ELL: variants seen among roughly 807,000 people sequenced by gnomAD.
The protein encoded by ELL is elongation factor for RNA polymerase II, also known as RNA polymerase II elongation factor ELL.
Under a neutral mutation model 64.0 loss-of-function variants are expected in ELL, and 18 were observed. The ratio of observed to expected loss-of-function variants is 0.28; its 90% CI spans 0.19 to 0.42. The LOEUF (loss-of-function observed/expected upper bound fraction) is 0.42, where lower values mean the gene tolerates loss of function less well. Among genes scored for constraint, ELL ranks in the 10% least tolerant of loss-of-function variants. The pLI, the probability that ELL is intolerant of heterozygous loss-of-function variation, is 1.00. For synonymous variants in ELL, 399 were observed against 376.2 expected (o/e 1.06, Z -0.70); for missense variants, 797 against 870.4 (o/e 0.92, Z 1.06).
chr19:18,510,581 C>G (rs1032647875), intron 1 of ELL, among the ~76,000 whole-genome samples: 2 of 152,170 alleles, frequency 1.3e-5, no homozygotes, highest in African/African-American at 4.8e-5. Context: ...CCAGGTGACT[C>G]CTGGGTCCAT....
chr19:18,510,446 T>C (rs554707915), intron 1 of ELL, among the ~76,000 whole-genome samples: 1 of 152,326 alleles, frequency 6.6e-6, no homozygotes, highest in Admixed American at 6.5e-5. Flanking sequence ...GCAGGGCACG[T>C]AGCCACTGTC....
chr19:18,505,227 T>C (rs1164915296), intron 1 of ELL, among the ~76,000 whole-genome samples: 1 of 152,200 alleles, frequency 6.6e-6, no homozygotes, highest in Non-Finnish European at 1.5e-5. Context: ...TGTGGTGTGC[T>C]TTCTTCTGCA....
chr19:18,497,965 C>G (rs908782958), intron 1 of ELL, among the ~76,000 whole-genome samples: 1 of 151,476 alleles, frequency 6.6e-6, no homozygotes, highest in Admixed American at 6.6e-5. Context: ...CCTGTCTCTA[C>G]TAAAAATACA....
At chr19:18,470,213 CAT>C (rs767732835) in intron 2 of ELL, among the ~76,000 whole-genome samples, 40 of 152,356 alleles carry the variant, frequency 2.6e-4, no homozygotes, top group East Asian at 3.9e-4. Flanking sequence ...CCCTGCTACA[CAT>C]GTTATTAGGC....
chr19:18,465,172 G>A (rs561123169), intron 4 of ELL, among the ~76,000 whole-genome samples: 1 of 152,328 alleles, frequency 6.6e-6, no homozygotes, highest in East Asian at 1.9e-4. Context: ...GGCTTCACAA[G>A]CCAGCAGCTG....
chr19:18,464,381 C>CA (rs1355364734), intron 4 of ELL, among the ~76,000 whole-genome samples: 2 of 152,132 alleles, frequency 1.3e-5, no homozygotes, highest in Non-Finnish European at 2.9e-5. Flanking sequence ...AAAGAAAAAA[C>CA]AAAAAACAAA....
intron 1 of ELL, among the ~76,000 whole-genome samples, chr19:18,499,558 G>A (rs1975736795): frequency 6.6e-6 from 1 of 152,202 alleles, no homozygotes; most frequent in Non-Finnish European, 1.5e-5. Flanking sequence ...AGACTTCCCA[G>A]GGTTGGGGAG....
chr19:18,504,229 G>A (rs530212048), intron 1 of ELL, among the ~76,000 whole-genome samples: 3 of 152,212 alleles, frequency 2.0e-5, no homozygotes, highest in Non-Finnish European at 4.4e-5. Flanking sequence ...GAGGAGGGGA[G>A]GTGGGCAAAG....
At chr19:18,455,942 T>C (rs1432448664) in intron 6 of ELL, among the ~76,000 whole-genome samples, 2 of 151,662 alleles carry the variant, frequency 1.3e-5, no homozygotes, top group Admixed American at 6.6e-5. Flanking sequence ...CTACTAAAAA[T>C]ACAAAATTAG....
At chr19:18,481,302 C>A (rs1975294634) in intron 1 of ELL, among the ~76,000 whole-genome samples, 1 of 152,160 alleles carries the variant, frequency 6.6e-6, no homozygotes, top group Non-Finnish European at 1.5e-5. Flanking sequence ...GAAACTGGTT[C>A]TCTCACGGAC....
chr19:18,468,096 C>A (rs1186843446), intron 2 of ELL, among the ~76,000 whole-genome samples: 1 of 147,434 alleles, frequency 6.8e-6, no homozygotes, highest in African/African-American at 2.5e-5. Context: ...CACACACAAA[C>A]CCCTACACAC....
At chr19:18,454,248 C>T (rs971179628) in intron 6 of ELL, among the ~76,000 whole-genome samples, 18 of 152,196 alleles carry the variant, frequency 1.2e-4, no homozygotes, top group African/African-American at 4.3e-4. Context: ...GCCTGTAATC[C>T]CAGCACTTTG....
chr19:18,472,005 C>T (rs902190402), intron 2 of ELL, among the ~76,000 whole-genome samples: 1 of 151,746 alleles, frequency 6.6e-6, no homozygotes, highest in Non-Finnish European at 1.5e-5. Context: ...TCTTGTTGCC[C>T]GGGCTGTAGT....
At chr19:18,452,605 C>T (rs1407598562) in intron 6 of ELL, among the ~76,000 whole-genome samples, 2 of 152,206 alleles carry the variant, frequency 1.3e-5, no homozygotes, top group South Asian at 2.1e-4. Context: ...AGAGGCACCA[C>T]GACCTCAGGG....
At chr19:18,490,904 C>T (rs763662031) in intron 1 of ELL, among the ~76,000 whole-genome samples, 1 of 152,188 alleles carries the variant, frequency 6.6e-6, no homozygotes, top group Non-Finnish European at 1.5e-5. Context: ...CCCGGTCTCA[C>T]ACATGCTCAC....
Position 18,461,602 on chromosome 19 carries a change from G to C in ELL, c.720C>G (p.Asp240Glu). ...CCTGCTGGAGGAGGCCATCCAGCGC[G>C]TCCTTGTCCGCCTGCGTCAGGCCGT... ...QKDGLTQADK[D>E]ALDGLLQQVA... Residue 240 changes from aspartate (D) to glutamate (E), a missense_variant, in exon 5 of 12, where the codon GAC becomes GAG. By Grantham distance (45) the Asp-to-Glu change is conservative. Transcript: ENST00000262809. 6.2e-7 allele frequency: 1 copy of C among 1,605,256 alleles called. No individual in the cohort carries two copies. Among genetic ancestry groups the C allele is most frequent in the Non-Finnish European group, 8.5e-7 (1 of 1,179,070 alleles).
At chr19:18,451,026 G>T in intron 7 of ELL, 51 bp from the exon 8 acceptor site, 1 of 1,475,734 alleles carries the variant, frequency 6.8e-7, no homozygotes, top group Non-Finnish European at 9.0e-7. Context: ...TGGCTGAGCA[G>T]CAACAGGCAA....
chr19:18,459,220 G>A (rs540749957), intron 5 of ELL, among the ~76,000 whole-genome samples: 15 of 152,242 alleles, frequency 9.9e-5, no homozygotes, highest in Admixed American at 2.0e-4. Context: ...AGTCAGCCAC[G>A]GCTGGGGATG....
At position 18,443,471 on chromosome 19, in the gene ELL, CCT is replaced by C. The variant is rs1001910639; in HGVS notation, c.*1279_*1280del. On this transcript the variant is annotated 3_prime_UTR_variant, in exon 12 of 12. Coordinates refer to ENST00000262809, the MANE Select transcript of ELL (RefSeq NM_006532.4). ...AGTGACCCCCATGTGATCCCTGGGC[CCT>C]GAGTCACAGCCGCCATCCACCCCCC... 3.4e-5 allele frequency: 8 copies of C among 233,420 alleles called. No individual in the cohort carries two copies. Among genetic ancestry groups the C allele is most frequent in the African/African-American group, 1.8e-4 (8 of 45,448 alleles). 14.5% of individuals were successfully genotyped at this position (233,420 alleles called of 1,614,324 possible). A position where few individuals can be genotyped will look rare whatever the true frequency, so the allele number is the denominator to read the frequency against.
Sources: allele counts gnomAD v4.1 joint callset (sites outside exome capture counted in the v4.1 genomes callset), GRCh38; gene constraint gnomAD v4.1.1; transcripts MANE v1.5; gene names NCBI Gene and HGNC (gene_info 2026-07-23, HGNC 2026-07-21).